Variants in TNNI3K observed in about 807,000 individuals in gnomAD.
TNNI3K encodes the protein serine/threonine-protein kinase TNNI3K.
In TNNI3K, 140 loss-of-function variants were observed where a neutral mutation model predicts 114.5. That is an observed-to-expected ratio of 1.22 (90% CI 1.07 to 1.41). TNNI3K has a LOEUF of 1.41. Ranked by LOEUF, TNNI3K falls within the 40% of genes most tolerant of loss-of-function variation. The pLI, the probability that TNNI3K is intolerant of heterozygous loss-of-function variation, is 0.00. For missense variants in TNNI3K, 1,125 were observed against 1,007.6 expected, an observed-to-expected ratio of 1.12 and a Z score of -1.58; for synonymous variants, 347 against 347.5, an observed-to-expected ratio of 1.00 and a Z score of 0.02.
Position 74,273,040 on chromosome 1 carries a change from T to C in TNNI3K, c.444+1332T>C, listed in dbSNP as rs567880568. Reference sequence around the variant, plus strand: ...CATGTTGCAATTCAATTATACCTTCTTCACTAATACACACACATATACGCA... The same window carrying C: ...CATGTTGCAATTCAATTATACCTTCCTCACTAATACACACACATATACGCA... On this transcript the variant is annotated intron_variant, in intron 5 of 24. Transcript: ENST00000326637. Among the ~76,000 whole-genome samples, 3 of 152,012 alleles carry C rather than the reference T, an allele frequency of 2.0e-5. No homozygotes were observed. The East Asian group carries it at 5.8e-4, about 29-fold the overall frequency.
intron 23 of TNNI3K, among the ~76,000 whole-genome samples, chr1:74,508,951 T>C (rs1352078678): frequency 1.3e-5 from 2 of 152,204 alleles, no homozygotes; most frequent in Admixed American, 6.5e-5. Context: ...GAGAAACTTA[T>C]GTTGTTTTGT....
chr1:74,517,621 C>T (rs990279918), intron 23 of TNNI3K, among the ~76,000 whole-genome samples: 2 of 152,134 alleles, frequency 1.3e-5, no homozygotes, highest in African/African-American at 2.4e-5. Context: ...TCTGCTATGT[C>T]CAACTCACAG....
intron 9 of TNNI3K, 77 bp downstream of exon 9, chr1:74,343,256 A>C (rs1660840888): frequency 6.9e-7 from 1 of 1,441,006 alleles, no homozygotes; most frequent in Non-Finnish European, 9.5e-7. Context: ...GGTATAAAGC[A>C]AGAACAAATA....
chr1:74,413,970 T>G (rs1665005222), intron 17 of TNNI3K, among the ~76,000 whole-genome samples: 1 of 152,148 alleles, frequency 6.6e-6, no homozygotes, highest in African/African-American at 2.4e-5. Flanking sequence ...GAGTACATCA[T>G]TTTCCATGGC....
At chr1:74,265,369 G>A (rs182535702) in intron 4 of TNNI3K, among the ~76,000 whole-genome samples, 10 of 151,894 alleles carry the variant, frequency 6.6e-5, no homozygotes, top group Non-Finnish European at 1.5e-4. Flanking sequence ...AGTGCCACAC[G>A]GGCTAGAAAT....
intron 7 of TNNI3K, 126 bp downstream of exon 7, chr1:74,336,275 A>G: frequency 1.6e-6 from 2 of 1,220,140 alleles, no homozygotes; most frequent in Non-Finnish European, 2.2e-6. Context: ...TATTTGCTCC[A>G]CAAGTCATAA....
chr1:74,526,933 G>A (rs1049721603), intron 23 of TNNI3K, among the ~76,000 whole-genome samples: 1 of 152,188 alleles, frequency 6.6e-6, no homozygotes, highest in African/African-American at 2.4e-5. Context: ...CTATGTCTGT[G>A]TTTGCACTGA....
chr1:74,469,784 T>C (rs1215146003), intron 21 of TNNI3K: 1 of 398,008 alleles, frequency 2.5e-6, no homozygotes. Context: ...TCCAAAATGA[T>C]CCACTTCTAA....
chr1:74,426,086 A>C (rs1444697352), intron 17 of TNNI3K, among the ~76,000 whole-genome samples: 1 of 152,124 alleles, frequency 6.6e-6, no homozygotes, highest in East Asian at 1.9e-4. Context: ...TACATTTTTA[A>C]CCTGCCCTTT....
chr1:74,269,278 C>T (rs1451769053), intron 4 of TNNI3K, among the ~76,000 whole-genome samples: 10 of 151,814 alleles, frequency 6.6e-5, no homozygotes, highest in Admixed American at 5.3e-4. Flanking sequence ...TCTCCATTCA[C>T]GTAAACATAG....
chr1:74,334,616 T>G (rs1660374134), intron 6 of TNNI3K, among the ~76,000 whole-genome samples: 1 of 152,184 alleles, frequency 6.6e-6, no homozygotes, highest in African/African-American at 2.4e-5. Context: ...CTAAATTACC[T>G]GAAACAATCG....
intron 17 of TNNI3K, among the ~76,000 whole-genome samples, chr1:74,385,837 A>G (rs2100557496): frequency 6.6e-6 from 1 of 152,314 alleles, no homozygotes; most frequent in Middle Eastern, 3.4e-3. Flanking sequence ...TCCTTAGCCA[A>G]ATATGAAAGT....
intron 11 of TNNI3K, among the ~76,000 whole-genome samples, chr1:74,357,005 T>C (rs961426888): frequency 3.9e-5 from 6 of 152,014 alleles, no homozygotes; most frequent in African/African-American, 1.5e-4. Context: ...ATTTTTCTCT[T>C]CCTAAAAAAA....
At chr1:74,445,768 G>A (rs1414041780) in intron 20 of TNNI3K, among the ~76,000 whole-genome samples, 5 of 151,762 alleles carry the variant, frequency 3.3e-5, no homozygotes, top group African/African-American at 4.8e-5. Flanking sequence ...CCGCCACTAC[G>A]CCTGGCTAAC....
chr1:74,319,388 TAA>T (rs1288498485), intron 5 of TNNI3K, among the ~76,000 whole-genome samples: 1 of 152,206 alleles, frequency 6.6e-6, no homozygotes, highest in Non-Finnish European at 1.5e-5. Context: ...TTGTTAGAAA[TAA>T]GTCATTAATT....
chr1:74,438,052 C>T (rs1486746854), intron 19 of TNNI3K, among the ~76,000 whole-genome samples: 2 of 151,384 alleles, frequency 1.3e-5, no homozygotes, highest in Non-Finnish European at 2.9e-5. Flanking sequence ...TAAATTAGTG[C>T]TAATAAATAA....
intron 20 of TNNI3K, among the ~76,000 whole-genome samples, chr1:74,453,824 C>G (rs370543405): frequency 6.6e-6 from 1 of 152,184 alleles, no homozygotes; most frequent in Admixed American, 6.5e-5. Flanking sequence ...CTCTGACTCA[C>G]GCTCCAGCCA....
chr1:74,410,778 G>A (rs1430614049), intron 17 of TNNI3K, among the ~76,000 whole-genome samples: 1 of 152,182 alleles, frequency 6.6e-6, no homozygotes, highest in Non-Finnish European at 1.5e-5. Flanking sequence ...TGTATTCTTT[G>A]AAAGCCTAAC....
intron 17 of TNNI3K, among the ~76,000 whole-genome samples, chr1:74,421,414 T>G (rs1371445566): frequency 6.6e-6 from 1 of 152,106 alleles, no homozygotes; most frequent in Non-Finnish European, 1.5e-5. Flanking sequence ...TTCCTTAATC[T>G]TTACAATAAT....
Sources: allele counts gnomAD v4.1 joint callset (sites outside exome capture counted in the v4.1 genomes callset), GRCh38; gene constraint gnomAD v4.1.1; transcripts MANE v1.5; gene names NCBI Gene and HGNC (gene_info 2026-07-23, HGNC 2026-07-21).